The following PDGFD variants were observed in gnomAD, a reference collection of about 807,000 sequenced individuals.
PDGFD encodes platelet-derived growth factor D.
PDGFD carries 30 observed loss-of-function variants against 44.7 expected under a neutral mutation model. The ratio of observed to expected loss-of-function variants is 0.67; its 90% CI spans 0.50 to 0.91. PDGFD has a LOEUF of 0.91. Among genes scored for constraint, PDGFD ranks in the 40% least tolerant of loss-of-function variants. The pLI is 0.00. For synonymous variants in PDGFD, 173 were observed against 168.4 expected (o/e 1.03, Z -0.21); for missense variants, 445 against 457.8 (o/e 0.97, Z 0.25).
At chr11:103,970,741 A>G (rs1007863310) in intron 3 of PDGFD, among the ~76,000 whole-genome samples, 5 of 152,142 alleles carry the variant, frequency 3.3e-5, no homozygotes, top group African/African-American at 1.2e-4. Context: ...AGAATTCAAA[A>G]TGCATCGCCA....
intron 1 of PDGFD, among the ~76,000 whole-genome samples, chr11:104,132,201 G>A (rs1367331593): frequency 6.6e-6 from 1 of 151,848 alleles, no homozygotes. Context: ...CTCTCTTTAA[G>A]TTACCTCCTT....
intron 1 of PDGFD, among the ~76,000 whole-genome samples, chr11:104,043,838 G>A (rs1198173468): frequency 6.6e-6 from 1 of 152,100 alleles, no homozygotes; most frequent in Non-Finnish European, 1.5e-5. Context: ...AGCACACTGA[G>A]CCATTCACAA....
At chr11:104,004,917 C>T (rs1859677814) in intron 1 of PDGFD, among the ~76,000 whole-genome samples, 1 of 107,450 alleles carries the variant, frequency 9.3e-6, no homozygotes. Flanking sequence ...CTCATTATGT[C>T]ACCCAGGCTG....
intron 1 of PDGFD, among the ~76,000 whole-genome samples, chr11:104,008,944 A>G (rs182959631): frequency 1.5e-3 from 233 of 152,244 alleles, no homozygotes; most frequent in Non-Finnish European, 2.3e-3. Context: ...ACATTTAAAG[A>G]TAACAAATAA....
intron 1 of PDGFD, among the ~76,000 whole-genome samples, chr11:104,137,061 A>G (rs1267290906): frequency 6.6e-6 from 1 of 152,176 alleles, no homozygotes; most frequent in East Asian, 1.9e-4. Flanking sequence ...TTCCTGGTCC[A>G]TTGTTTGTTC....
chr11:104,042,683 G>A (rs370684130), intron 1 of PDGFD, among the ~76,000 whole-genome samples: 2 of 152,098 alleles, frequency 1.3e-5, no homozygotes, highest in East Asian at 1.9e-4. Flanking sequence ...TTTTTCTACC[G>A]TTAATCAATG....
At chr11:103,927,689 G>A (rs1036662289) in intron 5 of PDGFD, among the ~76,000 whole-genome samples, 1 of 152,126 alleles carries the variant, frequency 6.6e-6, no homozygotes, top group African/African-American at 2.4e-5. Flanking sequence ...ATTTTTTTGT[G>A]TGTGAATATG....
At chr11:104,049,291 G>T (rs1463078723) in intron 1 of PDGFD, among the ~76,000 whole-genome samples, 2 of 152,100 alleles carry the variant, frequency 1.3e-5, no homozygotes, top group African/African-American at 4.8e-5. Flanking sequence ...TGAAAAAGGA[G>T]AACTTTTGAG....
intron 3 of PDGFD, among the ~76,000 whole-genome samples, chr11:103,971,460 C>CT (rs964073431): frequency 1.3e-5 from 2 of 152,128 alleles, no homozygotes; most frequent in South Asian, 2.1e-4. Context: ...TTGAAAACCA[C>CT]TTTTTTTGCT....
intron 3 of PDGFD, among the ~76,000 whole-genome samples, chr11:103,995,376 C>T (rs751748873): frequency 8.5e-5 from 13 of 152,136 alleles, no homozygotes; most frequent in South Asian, 2.1e-4. Context: ...TGTGACCCAA[C>T]GACTAAAATT....
intron 6 of PDGFD, among the ~76,000 whole-genome samples, chr11:103,921,652 C>A (rs1275328782): frequency 2.0e-5 from 3 of 151,124 alleles, no homozygotes; most frequent in African/African-American, 7.3e-5. Flanking sequence ...ATAATCTGTA[C>A]CAATTTATTA....
chr11:104,107,071 A>C (rs1367367913), intron 1 of PDGFD, among the ~76,000 whole-genome samples: 1 of 151,940 alleles, frequency 6.6e-6, no homozygotes, highest in Non-Finnish European at 1.5e-5. Flanking sequence ...TGTAGGCAGG[A>C]CTCTGAAGAT....
intron 1 of PDGFD, among the ~76,000 whole-genome samples, chr11:104,028,078 T>A (rs1377350302): frequency 6.6e-6 from 1 of 151,306 alleles, no homozygotes; most frequent in African/African-American, 2.4e-5. Flanking sequence ...TAGTCCCAGC[T>A]ACTCTGGAGA....
chr11:104,103,448 A>ATGTGTGTGTGTGTGTGTGTG (rs377722057), intron 1 of PDGFD, among the ~76,000 whole-genome samples: 3 of 123,140 alleles, frequency 2.4e-5, no homozygotes, highest in African/African-American at 9.3e-5. Flanking sequence ...ACAGACAATT[A>ATGTGTGTGTGTGTGTGTGTG]TGTGTGTGTG....
chr11:104,087,333 C>G (rs543709294), intron 1 of PDGFD, among the ~76,000 whole-genome samples: 180 of 151,994 alleles, frequency 1.2e-3, no homozygotes, highest in African/African-American at 4.1e-3. Flanking sequence ...CTCAGCCTTC[C>G]GAGTAGCTGG....
intron 1 of PDGFD, among the ~76,000 whole-genome samples, chr11:104,151,963 G>T (rs1862252322): frequency 6.6e-6 from 1 of 152,000 alleles, no homozygotes; most frequent in Non-Finnish European, 1.5e-5. Flanking sequence ...CATAACGGTG[G>T]CACTCACATG....
intron 5 of PDGFD, among the ~76,000 whole-genome samples, chr11:103,931,798 G>A (rs1858403644): frequency 6.6e-6 from 1 of 152,092 alleles, no homozygotes; most frequent in South Asian, 2.1e-4. Flanking sequence ...GTTGGCACCA[G>A]TAATCATTTT....
At chr11:103,993,733 T>C (rs928011414) in intron 3 of PDGFD, among the ~76,000 whole-genome samples, 17 of 152,200 alleles carry the variant, frequency 1.1e-4, no homozygotes, top group African/African-American at 4.1e-4. Flanking sequence ...CCACATGATC[T>C]AGAGTCTCTA....
intron 1 of PDGFD, among the ~76,000 whole-genome samples, chr11:104,069,873 A>T (rs1242506405): frequency 6.6e-6 from 1 of 152,200 alleles, no homozygotes; most frequent in Admixed American, 6.5e-5. Context: ...AGAAAAAAAA[A>T]TTATGCTTTT....
Sources: gnomAD v4.1 joint callset for allele counts (sites outside exome capture counted in the v4.1 genomes callset) on GRCh38, gnomAD v4.1.1 for gene constraint, MANE v1.5 for transcripts, NCBI Gene and HGNC (gene_info 2026-07-23, HGNC 2026-07-21) for gene names.